MCM5: variants seen among roughly 807,000 people sequenced by gnomAD.
MCM5 encodes the protein DNA replication licensing factor MCM5.
In MCM5, 46 loss-of-function variants were observed where a neutral mutation model predicts 79.9. The ratio of observed to expected loss-of-function variants is 0.58; its 90% confidence interval spans 0.45 to 0.74. The LOEUF (loss-of-function observed/expected upper bound fraction) is 0.74, where lower values mean the gene tolerates loss of function less well. Ranked by LOEUF, MCM5 falls within the 30% of genes least tolerant of loss-of-function variation. MCM5 has a pLI of 0.00. For missense variants in MCM5, 883 were observed against 1,017.0 expected (o/e 0.87, Z 1.79); for synonymous variants, 404 against 390.5 (o/e 1.03, Z -0.41).
rs761101191 is a variant in MCM5 at position 35,424,162 on chromosome 22, G to T, written c.2112G>T (p.Pro704=). 1 of 1,550,436 alleles carries T rather than the reference G, an allele frequency of 6.4e-7. No homozygotes were observed. ...IIKDFTKQKY[P]EHAIHKVLQL... is the part of the protein sequence containing the mutation. Reference sequence around the variant, plus strand: ...GCCATGTGCTCCCACAGAAATACCCGGAGCACGCCATCCACAAGGTGCTGC... The same window carrying T: ...GCCATGTGCTCCCACAGAAATACCCTGAGCACGCCATCCACAAGGTGCTGC... The change falls in exon 17 of 17, where the codon CCG becomes CCT. Residue 704 remains proline (P), a synonymous_variant. Coordinates refer to ENST00000216122, the MANE Select transcript of MCM5 (RefSeq NM_006739.4).
At chr22:35,440,977 A>G in the MCM5 span, among the ~76,000 whole-genome samples, 1 of 151,938 alleles carries the variant, frequency 6.6e-6, no homozygotes, top group South Asian at 2.1e-4. Context: ...GAATCGCTTG[A>G]ACCCGGGAGG....
rs1601762370 is a variant in MCM5, at chr22:35,419,940, T to C, written c.1760T>C (p.Ile587Thr). Residue 587 changes from isoleucine to threonine, a missense_variant, in exon 14 of 17, where the codon ATC becomes ACC. By Grantham distance (89) the Ile-to-Thr change is moderately conservative (BLOSUM62 -1). Coordinates refer to ENST00000216122, the MANE Select transcript of MCM5 (RefSeq NM_006739.4). Reference protein sequence around the residue: ...EAAEKLKNRYIIMRSGARQHE... With the variant: ...EAAEKLKNRYTIMRSGARQHE... ...GCAGAGAAACTGAAGAACCGCTACA[T>C]CATCATGCGGAGCGGGGCCCGTCAG... 1.3e-5 allele frequency: 21 copies of C among 1,613,266 alleles called. No individual in the cohort carries two copies. The highest frequency in any genetic ancestry group is 1.7e-5 in the Non-Finnish European group (20 of 1,179,688).
the MCM5 span, among the ~76,000 whole-genome samples, chr22:35,439,390 TCCACCCACCCAC>T: frequency 1.2e-5 from 1 of 86,860 alleles, no homozygotes; most frequent in Admixed American, 1.3e-4. Context: ...TATCCATACA[TCCACCCACCCAC>T]CCACCCACCC....
the MCM5 span, among the ~76,000 whole-genome samples, chr22:35,449,139 G>A: frequency 3.9e-5 from 6 of 152,132 alleles, no homozygotes; most frequent in Admixed American, 1.3e-4. Context: ...GCAGGAAACC[G>A]AGGGTACTGA....
At chr22:35,435,736 A>C in the MCM5 span, among the ~76,000 whole-genome samples, 9 of 152,268 alleles carry the variant, frequency 5.9e-5, no homozygotes, top group South Asian at 2.1e-4. Flanking sequence ...CAGCCTCCCT[A>C]ACTTGGCCTT....
chr22:35,400,305 G>GTTGGA, intron 1 of MCM5, 97 bp downstream of exon 1: 1 of 986,514 alleles, frequency 1.0e-6, no homozygotes, highest in South Asian at 1.4e-5. Flanking sequence ...GGGAACTGGG[G>GTTGGA]TTGGAGTCCG....
At chr22:35,408,342 A>G in intron 5 of MCM5, 66 bp from the exon 6 acceptor site, 1 of 1,498,192 alleles carries the variant, frequency 6.7e-7, no homozygotes, top group East Asian at 2.3e-5. Flanking sequence ...GGCTCCTGGG[A>G]TGAATGAGCC....
At position 35,413,881 on chromosome 22, in the gene MCM5, T is replaced by C. The variant is rs1312435993; in HGVS notation, c.1098T>C (p.Pro366=). The change falls in exon 9 of 17, where the codon CCT becomes CCC. Residue 366 remains proline, a synonymous_variant. Coordinates refer to ENST00000216122, the MANE Select transcript of MCM5 (RefSeq NM_006739.4). The part of the protein sequence containing the change: ...LLFGGSRKRL[P]DGLTRRGDIN... The stretch of plus-strand genomic sequence containing the variant: ...TCTACCCTTCGTCCCCCAGGCTCCC[T>C]GATGGACTTACTCGCCGAGGAGACA... 1 of 1,605,308 alleles carries C rather than the reference T, an allele frequency of 6.2e-7. No individual in the cohort carries two copies.
chr22:35,454,801 G>C, the MCM5 span, among the ~76,000 whole-genome samples: 1 of 152,020 alleles, frequency 6.6e-6, no homozygotes, highest in South Asian at 2.1e-4. Flanking sequence ...TGGACATTTG[G>C]GCCTGGATAA....
rs543682408 is a variant in MCM5, at chr22:35,403,222, G to T, written c.183G>T (p.Arg61=). Residue 61 remains arginine, a synonymous_variant, in exon 3 of 17, where the codon CGG becomes CGT. Coordinates refer to ENST00000216122, the MANE Select transcript of MCM5 (RefSeq NM_006739.4). ...FTFKYRDELK[R]HYNLGEYWIE... is the part of the protein sequence containing the mutation. ...CCCACTCCAGGGATGAACTCAAGCG[G>T]CATTACAACCTGGGGGAGTACTGGA... 30 of 1,614,126 alleles carry T rather than the reference G, an allele frequency of 1.9e-5. No individual in the cohort carries two copies. The South Asian group carries it at 2.9e-4, about 15-fold the overall frequency.
the MCM5 span, among the ~76,000 whole-genome samples, chr22:35,436,889 AG>A: frequency 8.2e-5 from 9 of 110,148 alleles, no homozygotes; most frequent in Admixed American, 3.7e-4. Flanking sequence ...AAGCTTTGCC[AG>A]GGGGAGAGTC....
At chr22:35,400,815 A>G (rs111805997) in intron 2 of MCM5, among the ~76,000 whole-genome samples, 3 of 151,810 alleles carry the variant, frequency 2.0e-5, no homozygotes, top group African/African-American at 7.3e-5. Flanking sequence ...TTATTTTATT[A>G]TTAACGTATT....
In MCM5 at chr22:35,410,901, G is replaced by T; in HGVS notation, c.910G>T (p.Asp304Tyr). 1 of 1,602,256 alleles carries T rather than the reference G, an allele frequency of 6.2e-7. No individual in the cohort carries two copies. The highest frequency in any genetic ancestry group is 8.5e-7 in the Non-Finnish European group (1 of 1,172,018). Reference sequence around the variant, plus strand: ...TGTCCTGGGCATCCAGGTGGACACAGATGGCTCTGGTGAGTTGGCTTTGGG... The same window carrying T: ...TGTCCTGGGCATCCAGGTGGACACATATGGCTCTGGTGAGTTGGCTTTGGG... ...IRVLGIQVDTDGSGRSFAGAV... is the reference protein window; with the variant it reads ...IRVLGIQVDTYGSGRSFAGAV... The change falls in exon 7 of 17, where the codon GAT becomes TAT. Residue 304 changes from aspartate to tyrosine, a missense_variant. Physicochemically the swap from Asp to Tyr is radical, Grantham distance 160. Coordinates refer to ENST00000216122, the MANE Select transcript of MCM5 (RefSeq NM_006739.4).
chr22:35,440,737 G>A, the MCM5 span, among the ~76,000 whole-genome samples: 1 of 152,248 alleles, frequency 6.6e-6, no homozygotes, highest in East Asian at 1.9e-4. Flanking sequence ...CATCTTCTTT[G>A]CCTCAGTGTC....
chr22:35,449,354 G>A, the MCM5 span, among the ~76,000 whole-genome samples: 77,635 of 152,106 alleles, frequency 0.51, 21,121 homozygotes, highest in Middle Eastern at 0.61. Context: ...TGCCCCTATC[G>A]TGTCTCTGCA....
the MCM5 span, among the ~76,000 whole-genome samples, chr22:35,452,639 C>A: frequency 6.6e-6 from 1 of 152,192 alleles, no homozygotes; most frequent in Admixed American, 6.5e-5. Flanking sequence ...GAAAGAAGCC[C>A]TTGGCACTGG....
downstream of MCM5, among the ~76,000 whole-genome samples, chr22:35,429,863 G>A (rs1025383791): frequency 2.0e-5 from 3 of 152,192 alleles, no homozygotes; most frequent in African/African-American, 7.2e-5. Flanking sequence ...GCTCAGCCTA[G>A]TGCTTCTCAG....
the MCM5 span, among the ~76,000 whole-genome samples, chr22:35,434,386 C>T: frequency 6.6e-6 from 1 of 152,110 alleles, no homozygotes; most frequent in Non-Finnish European, 1.5e-5. Flanking sequence ...AGTCAGTAAC[C>T]TGAACTCCCC....
At chr22:35,443,182 CCAAGGTGCA>C in the MCM5 span, among the ~76,000 whole-genome samples, 1 of 152,022 alleles carries the variant, frequency 6.6e-6, no homozygotes, top group Non-Finnish European at 1.5e-5. Context: ...AGCAAGGTGC[CCAAGGTGCA>C]AAAAAATTTT....
Sources: gnomAD v4.1 joint callset for allele counts (sites outside exome capture counted in the v4.1 genomes callset) on GRCh38, gnomAD v4.1.1 for gene constraint, MANE v1.5 for transcripts, NCBI Gene and HGNC (gene_info 2026-07-23, HGNC 2026-07-21) for gene names.